TMPRSS9: variants seen among roughly 807,000 people sequenced by gnomAD.
The protein encoded by TMPRSS9 is transmembrane protease serine 9.
A neutral mutation model predicts 111.4 loss-of-function variants in TMPRSS9; 113 were observed. The ratio of observed to expected loss-of-function variants is 1.01; its 90% confidence interval spans 0.87 to 1.19. The LOEUF (loss-of-function observed/expected upper bound fraction) is 1.19, where lower values mean the gene tolerates loss of function less well. Ranked by LOEUF, TMPRSS9 falls within the 50% of genes most tolerant of loss-of-function variation. The probability of loss-of-function intolerance (pLI) is 0.00; values close to 1 mark genes in which losing one functional copy is unlikely to be tolerated. For synonymous variants in TMPRSS9, 805 were observed against 659.1 expected (o/e 1.22, Z -3.39); for missense variants, 1,803 against 1,513.1 (o/e 1.19, Z -3.18).
At chr19:2,420,748 T>C (rs1458009611) in intron 13 of TMPRSS9, among the ~76,000 whole-genome samples, 1 of 152,218 alleles carries the variant, frequency 6.6e-6, no homozygotes, top group African/African-American at 2.4e-5. Context: ...AGGAGTGTTG[T>C]GAGATCGGTG....
exon 16 of TMPRSS9, chr19:2,425,135 G>A: frequency 6.3e-7 from 1 of 1,581,456 alleles, no homozygotes; most frequent in African/African-American, 1.4e-5. Context: ...CTACGACGTG[G>A]CGCTGCTGGA....
chr19:2,385,185 T>C (rs1292141548), upstream of TMPRSS9, among the ~76,000 whole-genome samples: 3 of 49,936 alleles, frequency 6.0e-5, no homozygotes, highest in African/African-American at 2.6e-4. Flanking sequence ...GGGGCGGGGC[T>C]CGCGGGGGCG....
At chr19:2,391,367 T>TC (rs1195632121) in intron 1 of TMPRSS9, among the ~76,000 whole-genome samples, 1 of 151,112 alleles carries the variant, frequency 6.6e-6, no homozygotes, top group Admixed American at 6.6e-5. Flanking sequence ...CCTAGGTTTT[T>TC]TTTTTTCTTT....
At chr19:2,421,344 A>G (rs1027940915) in intron 13 of TMPRSS9, among the ~76,000 whole-genome samples, 1 of 150,530 alleles carries the variant, frequency 6.6e-6, no homozygotes, top group Non-Finnish European at 1.5e-5. Context: ...GCTGGAGTGC[A>G]GTGGTGCGAT....
At chr19:2,410,177 G>A in intron 8 of TMPRSS9, 81 bp from the exon 10 acceptor site, 1 of 1,575,074 alleles carries the variant, frequency 6.3e-7, no homozygotes, top group Non-Finnish European at 8.6e-7. Flanking sequence ...TTGGAGAGGA[G>A]CTGTCCTTCA....
At chr19:2,386,270 C>T (rs1325607537), upstream of TMPRSS9, among the ~76,000 whole-genome samples, 1 of 152,062 alleles carries the variant, frequency 6.6e-6, no homozygotes, top group African/African-American at 2.4e-5. Context: ...TTTTGGGAGG[C>T]TGAGGTGGGC....
At chr19:2,400,881 G>T (rs1970822709) in intron 4 of TMPRSS9, among the ~76,000 whole-genome samples, 1 of 149,592 alleles carries the variant, frequency 6.7e-6, no homozygotes, top group Non-Finnish European at 1.5e-5. Context: ...GGCTGAGGCA[G>T]GAGAATTGCT....
At chr19:2,383,055 G>A (rs77037134) in intron 1 of TMPRSS9, among the ~76,000 whole-genome samples, 4,447 of 152,148 alleles carry the variant, frequency 0.029, 216 homozygotes, top group African/African-American at 0.1. Context: ...AATATCTACC[G>A]ATTTAAATGT....
At chr19:2,416,217 AAC>A (rs2145379805) in intron 11 of TMPRSS9, 2 of 437,768 alleles carry the variant, frequency 4.6e-6, no homozygotes, top group Admixed American at 3.9e-5. Context: ...CATCTGGGGC[AAC>A]AGAGCGAGAC....
chr19:2,387,498 T>C (rs932149034), upstream of TMPRSS9, among the ~76,000 whole-genome samples: 7 of 126,508 alleles, frequency 5.5e-5, no homozygotes, highest in South Asian at 2.5e-4. Flanking sequence ...TCCATCTCAA[T>C]AGAAAAGAAA....
At chr19:2,394,166 G>T (rs576418004) in intron 1 of TMPRSS9, among the ~76,000 whole-genome samples, 1 of 152,152 alleles carries the variant, frequency 6.6e-6, no homozygotes, top group East Asian at 1.9e-4. Context: ...TCGTGCCACT[G>T]CATCCCAGCC....
At chr19:2,411,225 G>A (rs1971086875) in intron 9 of TMPRSS9, among the ~76,000 whole-genome samples, 1 of 138,836 alleles carries the variant, frequency 7.2e-6, no homozygotes, top group Admixed American at 7.5e-5. Context: ...ATCTGAACCT[G>A]GGAGCTGGAG....
exon 18 of TMPRSS9, chr19:2,426,104 C>T (rs1339629983): frequency 1.9e-6 from 3 of 1,541,716 alleles, no homozygotes; most frequent in Non-Finnish European, 1.7e-6. Context: ...ACGTGACTGC[C>T]CAGGCCGAGA....
intron 13 of TMPRSS9, 101 bp from the exon 15 acceptor site, chr19:2,421,753 C>T: frequency 1.4e-5 from 20 of 1,379,754 alleles, no homozygotes; most frequent in Non-Finnish European, 1.9e-5. Flanking sequence ...GCCCCCCGCC[C>T]TCGATGGCTC....
chr19:2,374,175 T>G (rs903326844), intron 1 of TMPRSS9, among the ~76,000 whole-genome samples: 50 of 151,606 alleles, frequency 3.3e-4, no homozygotes, highest in Non-Finnish European at 6.8e-4. Context: ...TCCTTTTTCT[T>G]GTATTCACGG....
chr19:2,360,690 C>G (rs564569684), intron 1 of TMPRSS9, among the ~76,000 whole-genome samples: 1 of 146,714 alleles, frequency 6.8e-6, no homozygotes, highest in Non-Finnish European at 1.5e-5. Context: ...GTTGTGTGGA[C>G]GCAGGTGTGG....
exon 18 of TMPRSS9, chr19:2,426,018 C>T: frequency 6.2e-7 from 1 of 1,607,812 alleles, no homozygotes; most frequent in Non-Finnish European, 8.5e-7. Flanking sequence ...TGTGGCCGGC[C>T]CCACTTCCCA....
intron 9 of TMPRSS9, among the ~76,000 whole-genome samples, chr19:2,412,127 C>A (rs1971108634): frequency 6.6e-6 from 1 of 152,146 alleles, no homozygotes. Flanking sequence ...GGTGCAGTGG[C>A]TCACACCTGT....
intron 1 of TMPRSS9, among the ~76,000 whole-genome samples, chr19:2,382,786 C>T (rs1970402327): frequency 6.6e-6 from 1 of 152,132 alleles, no homozygotes; most frequent in African/African-American, 2.4e-5. Context: ...CACACAGATG[C>T]ACACCCGCAC....
Sources: gnomAD v4.1 joint callset for allele counts (sites outside exome capture counted in the v4.1 genomes callset) on GRCh38, gnomAD v4.1.1 for gene constraint, MANE v1.5 for transcripts, NCBI Gene and HGNC (gene_info 2026-07-23, HGNC 2026-07-21) for gene names.